The following MUC5B variants were observed in gnomAD, a reference collection of about 807,000 sequenced individuals.
MUC5B encodes the protein mucin 5B, oligomeric mucus/gel-forming.
In MUC5B, 116 loss-of-function variants were observed where a neutral mutation model predicts 376.9. That is an observed-to-expected ratio of 0.31 (90% confidence interval 0.26 to 0.36). The LOEUF (loss-of-function observed/expected upper bound fraction) is 0.36. Ranked by LOEUF, MUC5B falls within the 10% of genes least tolerant of loss-of-function variation. The pLI is 1.00. For synonymous variants in MUC5B, 3,517 were observed against 3,390.9 expected, an observed-to-expected ratio of 1.04 and a Z score of -1.29; for missense variants, 7,165 against 7,769.9, an observed-to-expected ratio of 0.92 and a Z score of 2.93.
chr11:1,258,764 C>T lies in MUC5B; in HGVS notation c.16594-178C>T, dbSNP rs1383519901. Among the ~76,000 whole-genome samples the T allele has an allele frequency of 6.6e-6, 1 of 152,076 alleles. No homozygotes were observed. The highest frequency in any genetic ancestry group is 1.5e-5 in the Non-Finnish European group (1 of 67,988). Reference sequence around the variant, plus strand: ...TCTGCCTGCCCAGATTCCCTGCCCACCTGTGGTCCCTGTGTGCATCAGCTC... The same window carrying T: ...TCTGCCTGCCCAGATTCCCTGCCCATCTGTGGTCCCTGTGTGCATCAGCTC... On this transcript the variant is annotated intron_variant, in intron 43 of 48. Transcript: ENST00000529681. This position sits in a 1 kb window ranked among gnomAD's most constrained non-coding sequence, Gnocchi z 5.5.
At position 1,234,088 on chromosome 11, in the gene MUC5B, A is replaced by C. The variant is rs1862101751; in HGVS notation, c.2378-117A>C. The C allele has an allele frequency of 1.1e-6, 1 of 918,308 alleles. No individual in the cohort carries two copies. Among genetic ancestry groups the C allele is most frequent in the Non-Finnish European group, 1.7e-6 (1 of 587,390 alleles). 56.9% of individuals were successfully genotyped at this position (918,308 alleles called of 1,614,324 possible). A position where few individuals can be genotyped will look rare whatever the true frequency, so the allele number is the denominator to read the frequency against. On this transcript the variant is annotated intron_variant, in intron 19 of 48. Transcript: ENST00000529681. The surrounding 1 kb of genome is among the most constrained non-coding windows in gnomAD (Gnocchi z 6.3). The stretch of plus-strand genomic sequence containing the variant: ...GGTTGGGGGCTGCAGGTGTCATGGA[A>C]GCTTTGGCTCGGGGGCTGTTAACTT...
chr11:1,223,145 C>T lies in MUC5B; in HGVS notation c.22C>T (p.Arg8Trp), dbSNP rs1455463212. Residue 8 changes from arginine (R) to tryptophan (W), a missense_variant, in exon 1 of 49, where the codon CGG becomes TGG. Physicochemically the swap from Arg to Trp is moderately radical, Grantham distance 101. Coordinates refer to ENST00000529681, the MANE Select transcript of MUC5B (RefSeq NM_002458.3). The stretch of plus-strand genomic sequence containing the variant: ...CAGGATGGGTGCCCCGAGCGCGTGC[C>T]GGACGCTGGTGTTGGCTCTGGCGGC... The part of the protein sequence containing the change: MGAPSAC[R>W]TLVLALAAML... 8.5e-6 allele frequency: 6 copies of T among 707,686 alleles called. No individual in the cohort carries two copies. The highest frequency in any genetic ancestry group is 1.5e-5 in the South Asian group (1 of 67,482). The allele number at this position is 707,686 out of a possible 1,614,324, so 43.8% of individuals were successfully genotyped here.
At chr11:1,228,342 G>C (rs761709573) in intron 7 of MUC5B, among the ~76,000 whole-genome samples, 1 of 152,174 alleles carries the variant, frequency 6.6e-6, no homozygotes, top group Non-Finnish European at 1.5e-5. Context: ...CTTACTCCAC[G>C]GGCAGGCACA....
At position 1,255,133 on chromosome 11, in the gene MUC5B, C is replaced by A; in HGVS notation, c.15757C>A (p.Pro5253Thr). 2 of 1,577,078 alleles carry A rather than the reference C, an allele frequency of 1.3e-6. No individual in the cohort carries two copies. The highest frequency in any genetic ancestry group is 1.7e-6 in the Non-Finnish European group (2 of 1,162,970). The change falls in exon 36 of 49, where the codon CCC (proline) becomes ACC (threonine). Residue 5253 changes from proline to threonine, a missense_variant. By Grantham distance (38) the Pro-to-Thr change is conservative. Around this residue, in one of 31 missense-constraint regions of MUC5B, gnomAD observed 842 missense variants for 1,016.9 expected, o/e 0.83. Transcript: ENST00000529681. The stretch of plus-strand genomic sequence containing the variant: ...GGACATGGCCAAGACGTGGCTGGTC[C>A]CCGACAGCAGAAAGGATGGCTGCTG... The part of the protein sequence containing the change: ...CKDMAKTWLV[P>T]DSRKDGCWAP...
chr11:1,254,605 A>C, intron 34 of MUC5B, 89 bp from the exon 35 acceptor site: 1 of 1,358,080 alleles, frequency 7.4e-7, no homozygotes, highest in Non-Finnish European at 1.0e-6. Flanking sequence ...GGGTCTCTGC[A>C]CATGGAGGCA....
Position 1,241,675 on chromosome 11 carries a change from A to T in MUC5B, c.4795A>T (p.Ser1599Cys). 1 of 1,612,414 alleles carries T rather than the reference A, an allele frequency of 6.2e-7. No individual in the cohort carries two copies. The highest frequency in any genetic ancestry group is 8.5e-7 in the Non-Finnish European group (1 of 1,179,658). Residue 1599 changes from serine (S) to cysteine (C), a missense_variant, in exon 31 of 49, where the codon AGT becomes TGT. Physicochemically the swap from Ser to Cys is moderately radical, Grantham distance 112. This residue lies in a region of MUC5B where 897 missense variants were observed against 779.6 expected (regional missense o/e 1.15). Coordinates refer to ENST00000529681, the MANE Select transcript of MUC5B (RefSeq NM_002458.3). ...YNYRIRVLCC[S>C]DDHCRGRATT... is the part of the protein sequence containing the mutation. ...CTACAGGATCCGGGTCCTCTGCTGC[A>T]GTGACGACCACTGCAGGGGACGTGC...
In MUC5B at chr11:1,223,091, G is replaced by T. The variant is rs554705379; in HGVS notation, c.-33G>T. 1.1e-5 allele frequency: 7 copies of T among 618,316 alleles called. No individual in the cohort carries two copies. Among genetic ancestry groups the T allele is most frequent in the Non-Finnish European group, 1.8e-5 (6 of 333,886 alleles). The allele number at this position is 618,316 out of a possible 1,614,324, so 38.3% of individuals were successfully genotyped here. A position where few individuals can be genotyped will look rare whatever the true frequency, so the allele number is the denominator to read the frequency against. On this transcript the variant is annotated 5_prime_UTR_variant, in exon 1 of 49. Coordinates refer to ENST00000529681, the MANE Select transcript of MUC5B (RefSeq NM_002458.3). ...ACCCGGCCCGGCTCCCTCCCTGCCC[G>T]TCCCCGTCCCCCCACCCGTGCCAGC... is the stretch of plus-strand genomic sequence containing the variant.
chr11:1,258,845 A>G lies in MUC5B; in HGVS notation c.16594-97A>G, dbSNP rs1327767023. 5 of 1,475,866 alleles carry G rather than the reference A, an allele frequency of 3.4e-6. No homozygotes were observed. The African/African-American group carries it at 7.0e-5, about 21-fold the overall frequency. The allele number at this position is 1,475,866 out of a possible 1,614,324, so 91.4% of individuals were successfully genotyped here. Reference sequence around the variant, plus strand: ...GGTGCATCTATGCTCCATCTGAGGAAGGAACAACTCCCTGCAGGCCCCATT... The same window carrying G: ...GGTGCATCTATGCTCCATCTGAGGAGGGAACAACTCCCTGCAGGCCCCATT... On this transcript the variant is annotated intron_variant, in intron 43 of 48. Transcript: ENST00000529681. This position sits in a 1 kb window ranked among gnomAD's most constrained non-coding sequence, Gnocchi z 5.5.
At position 1,229,276 on chromosome 11, in the gene MUC5B, C is replaced by T. The variant is rs200948745; in HGVS notation, c.1083C>T (p.Asp361=). 7.5e-5 allele frequency: 118 copies of T among 1,581,676 alleles called. No individual in the cohort carries two copies. The highest frequency in any genetic ancestry group is 1.3e-4 in the South Asian group (11 of 86,942). The change falls in exon 9 of 49, where the codon GAC becomes GAT. Residue 361 remains aspartate (D), a synonymous_variant. Transcript: ENST00000529681. ...AGCTCTGCGAGGACCACTGTGTGGA[C>T]GGCTGCTTCTGCCCCCCAGGCAGGT... ...RAQLCEDHCV[D]GCFCPPGTVL...
chr11:1,224,705 CTT>C (rs1309330935), intron 1 of MUC5B, among the ~76,000 whole-genome samples: 4 of 152,076 alleles, frequency 2.6e-5, no homozygotes, highest in African/African-American at 9.7e-5. Context: ...GATCGGCTGG[CTT>C]TCTGGGAAAG....
Position 1,251,618 on chromosome 11 carries a change from T to A in MUC5B, c.14738T>A (p.Leu4913Gln), listed in dbSNP as rs1862702553. The change falls in exon 31 of 49, where the codon CTG (leucine) becomes CAG (glutamine). Residue 4913 changes from leucine (L) to glutamine (Q), a missense_variant. Around this residue, in one of 31 missense-constraint regions of MUC5B, gnomAD observed 730 missense variants for 592.7 expected, o/e 1.23. Transcript: ENST00000529681. ...ACCCCTGCAGTGCTCCCCAGCAGCC[T>A]GCCAACCTTCAGCGTGTCCACTGTG... ...TRTPAVLPSS[L>Q]PTFSVSTVSS... The A allele has an allele frequency of 6.2e-7, 1 of 1,612,968 alleles. No individual in the cohort carries two copies. Among genetic ancestry groups the A allele is most frequent in the African/African-American group, 1.3e-5 (1 of 74,948 alleles).
At position 1,250,671 on chromosome 11, in the gene MUC5B, A is replaced by C; in HGVS notation, c.13791A>C (p.Thr4597=). The C allele has an allele frequency of 1.2e-6, 2 of 1,611,360 alleles. No individual in the cohort carries two copies. Among genetic ancestry groups the C allele is most frequent in the Non-Finnish European group, 1.7e-6 (2 of 1,178,700 alleles). The change falls in exon 31 of 49, where the codon ACA becomes ACC. Residue 4597 remains threonine, a synonymous_variant. Coordinates refer to ENST00000529681, the MANE Select transcript of MUC5B (RefSeq NM_002458.3). The part of the protein sequence containing the change: ...TAHTTKVPTT[T]TTGFTATPSS... ...ACACTACCAAAGTGCCGACTACCACAACCACGGGCTTCACAGCCACCCCCT... is the reference window on the plus strand; with the variant it reads ...ACACTACCAAAGTGCCGACTACCACCACCACGGGCTTCACAGCCACCCCCT...
chr11:1,249,185 C>T lies in MUC5B; in HGVS notation c.12305C>T (p.Pro4102Leu), dbSNP rs370144227. 7 of 1,611,546 alleles carry T rather than the reference C, an allele frequency of 4.3e-6. No homozygotes were observed. Among genetic ancestry groups the T allele is most frequent in the Non-Finnish European group, 5.9e-6 (7 of 1,179,576 alleles). The change falls in exon 31 of 49, where the codon CCC becomes CTC. Residue 4102 changes from proline (P) to leucine (L), a missense_variant. Physicochemically the swap from Pro to Leu is moderately conservative, Grantham distance 98. Around this residue, in one of 31 missense-constraint regions of MUC5B, gnomAD observed 85 missense variants for 78.2 expected, o/e 1.09. Transcript: ENST00000529681. ...TCCAGGACCACGGCCACGGCCACAC[C>T]CAGCAAGACCCGCACCTCGACCCTG... The part of the protein sequence containing the change: ...ATSRTTATAT[P>L]SKTRTSTLLP...
Position 1,233,848 on chromosome 11 carries a change from GGT to G in MUC5B, c.2377+1_2377+2del, listed in dbSNP as rs1284503430. ...GGGAGCCTCTCTGCAGAAAAGCACA[GGT>G]AAGTGCCACCCCTGCCCTGCCCTGC... On this transcript the variant is annotated splice_donor_variant, in intron 19 of 48. Coordinates refer to ENST00000529681, the MANE Select transcript of MUC5B (RefSeq NM_002458.3). LOFTEE classifies it high-confidence loss of function. 6.3e-7 allele frequency: 1 copy of G among 1,597,228 alleles called. No individual in the cohort carries two copies. The highest frequency in any genetic ancestry group is 8.5e-7 in the Non-Finnish European group (1 of 1,173,356).
Position 1,258,573 on chromosome 11 carries a change from C to G in MUC5B, c.16593+206C>G, listed in dbSNP as rs1386976444. ...CAGCCATGAGCTCCACAACTGCTGC[C>G]TCTGAGAGGTCCCTTCAGGGGCTCC... On this transcript the variant is annotated intron_variant, in intron 43 of 48. Transcript: ENST00000529681. The surrounding 1 kb of genome is among the most constrained non-coding windows in gnomAD (Gnocchi z 5.5). Among the ~76,000 whole-genome samples the G allele has an allele frequency of 6.6e-6, 1 of 152,180 alleles. No homozygotes were observed. The highest frequency in any genetic ancestry group is 1.5e-5 in the Non-Finnish European group (1 of 68,006).
intron 25 of MUC5B, 47 bp from the exon 26 acceptor site, chr11:1,238,824 G>C (rs1049323668): frequency 1.3e-6 from 2 of 1,525,540 alleles, no homozygotes; most frequent in East Asian, 2.5e-5. Context: ...CCCCCTGGCC[G>C]GGGGGGCCAT....
In MUC5B at chr11:1,249,967, T is replaced by A; in HGVS notation, c.13087T>A (p.Ser4363Thr). The A allele has an allele frequency of 6.3e-7, 1 of 1,594,942 alleles. No individual in the cohort carries two copies. Among genetic ancestry groups the A allele is most frequent in the Non-Finnish European group, 8.5e-7 (1 of 1,173,632 alleles). ...CTCCACTCCGGAGACCACCCACACC[T>A]CCACAGTGCTGACCACGAAGGCCAC... ...PSSTPETTHT[S>T]TVLTTKATTT... is the part of the protein sequence containing the mutation. The change falls in exon 31 of 49, where the codon TCC becomes ACC. Residue 4363 changes from serine (S) to threonine (T), a missense_variant. Physicochemically the swap from Ser to Thr is moderately conservative, Grantham distance 58 (BLOSUM62 1). Around this residue, in one of 31 missense-constraint regions of MUC5B, gnomAD observed 431 missense variants for 390.4 expected, o/e 1.10. Transcript: ENST00000529681.
At chr11:1,226,526 C>T in intron 3 of MUC5B, 89 bp from the exon 4 acceptor site, 3 of 1,491,854 alleles carry the variant, frequency 2.0e-6, no homozygotes, top group Non-Finnish European at 1.8e-6. Context: ...TGGGCTTTTC[C>T]ATTCCAAAAA....
intron 1 of MUC5B, among the ~76,000 whole-genome samples, chr11:1,224,698 C>T (rs1436289375): frequency 6.6e-6 from 1 of 152,052 alleles, no homozygotes; most frequent in Non-Finnish European, 1.5e-5. Flanking sequence ...ACTCAGGGAT[C>T]GGCTGGCTTT....
Sources: gnomAD v4.1 joint callset for allele counts (sites outside exome capture counted in the v4.1 genomes callset) on GRCh38, gnomAD v4.1.1 for gene constraint, gnomAD v4.1.1 regional missense constraint, Gnocchi (gnomAD v3.1) non-coding constraint, MANE v1.5 for transcripts, NCBI Gene and HGNC (gene_info 2026-07-23, HGNC 2026-07-21) for gene names.